Variants in H3C7 observed in about 807,000 individuals in gnomAD.
The protein encoded by H3C7 is histone H3.1.
H3C7 carries 6 observed loss-of-function variants against 7.6 expected under a neutral mutation model. The ratio of observed to expected loss-of-function variants is 0.79; its 90% CI spans 0.43 to 1.56. The LOEUF is 1.56. H3C7 is among the 40% of genes most tolerant of loss of function. The pLI is 0.01. For missense variants in H3C7, 163 were observed against 189.8 expected, an observed-to-expected ratio of 0.86 and a Z score of 0.83; for synonymous variants, 113 against 77.9, an observed-to-expected ratio of 1.45 and a Z score of -2.38.
In H3C7 at chr6:26,250,534, C is replaced by T. The variant is rs548964739; in HGVS notation, c.72G>A (p.Lys24=). The change falls in exon 1 of 1, where the codon AAG becomes AAA. Residue 24 remains lysine (K), a synonymous_variant. Coordinates refer to ENST00000618052, the MANE Select transcript of H3C7 (RefSeq NM_021018.3). Reference sequence around the variant, plus strand: ...TGGCTGGCGCGCTTTTGCGAGCCGCCTTAGTGGCCAGCTGCTTGCGCGGGG... The same window carrying T: ...TGGCTGGCGCGCTTTTGCGAGCCGCTTTAGTGGCCAGCTGCTTGCGCGGGG... ...GKAPRKQLAT[K]AARKSAPATG... The T allele has an allele frequency of 8.1e-6, 13 of 1,614,066 alleles. No homozygotes were observed. The highest frequency in any genetic ancestry group is 5.3e-5 in the African/African-American group (4 of 75,046).
At position 26,250,421 on chromosome 6, in the gene H3C7, A is replaced by G; in HGVS notation, c.185T>C (p.Leu62Pro). 1 of 1,614,176 alleles carries G rather than the reference A, an allele frequency of 6.2e-7. No homozygotes were observed. Among genetic ancestry groups the G allele is most frequent in the Non-Finnish European group, 8.5e-7 (1 of 1,180,024 alleles). Residue 62 changes from leucine (L) to proline (P), a missense_variant, in exon 1 of 1, where the codon CTG (leucine) becomes CCG (proline). Leu to Pro is a moderately conservative substitution (Grantham distance 98, BLOSUM62 -3). This residue lies in a region of H3C7 where 111 missense variants were observed against 104.1 expected (regional missense o/e 1.07). Transcript: ENST00000618052. ...IRRYQKSTELLIRKLPFQRLV... is the reference protein window; with the variant it reads ...IRRYQKSTELPIRKLPFQRLV... ...ACGCTGGAATGGTAGCTTGCGAATC[A>G]GTAGCTCAGTCGATTTCTGATAGCG...
rs1185728738 is a variant in H3C7 at position 26,250,151 on chromosome 6, G to T, written c.*44C>A. ...TTCAACTGAAATTGTTGGTGGCTCT[G>T]AAAAGAGCCTTTGGTTTAAGTTGGC... is the stretch of plus-strand genomic sequence containing the variant. On this transcript the variant is annotated 3_prime_UTR_variant, in exon 1 of 1. Transcript: ENST00000618052. 4 of 1,605,530 alleles carry T rather than the reference G, an allele frequency of 2.5e-6. No individual in the cohort carries two copies. In the South Asian group the frequency reaches 3.3e-5, roughly 13 times the overall value.
Position 26,250,215 on chromosome 6 carries a change from T to A in H3C7, c.391A>T (p.Ile131Phe). ...ACAACTTATGCCCTCTCTCCGCGAA[T>A]GCGGCGAGCGAGCTGGATGTCCTTG... is the stretch of plus-strand genomic sequence containing the variant. ...MPKDIQLARR[I>F]RGERA Residue 131 changes from isoleucine (I) to phenylalanine (F), a missense_variant, in exon 1 of 1, where the codon ATT becomes TTT. By Grantham distance (21) the Ile-to-Phe change is conservative (BLOSUM62 0). Coordinates refer to ENST00000618052, the MANE Select transcript of H3C7 (RefSeq NM_021018.3). 1.2e-6 allele frequency: 2 copies of A among 1,614,242 alleles called. No homozygotes were observed. The highest frequency in any genetic ancestry group is 1.7e-6 in the Non-Finnish European group (2 of 1,180,050).
rs773529243 is a variant in H3C7 at position 26,250,608 on chromosome 6, G to C, written c.-3C>G. 27 of 1,610,982 alleles carry C rather than the reference G, an allele frequency of 1.7e-5. No homozygotes were observed. The Admixed American group carries it at 4.6e-4, about 27-fold the overall frequency. ...GCTGTTTGCTTCGTGCGTGCCATAG[G>C]AATGGGTTTCAAGCAATGGTCACAA... On this transcript the variant is annotated 5_prime_UTR_variant, in exon 1 of 1. Coordinates refer to ENST00000618052, the MANE Select transcript of H3C7 (RefSeq NM_021018.3).
At position 26,250,435 on chromosome 6, in the gene H3C7, T is replaced by C; in HGVS notation, c.171A>G (p.Lys57=). The part of the protein sequence containing the change: ...VALREIRRYQ[K]STELLIRKLP... Reference sequence around the variant, plus strand: ...GCTTGCGAATCAGTAGCTCAGTCGATTTCTGATAGCGGCGGATTTCACGGA... The same window carrying C: ...GCTTGCGAATCAGTAGCTCAGTCGACTTCTGATAGCGGCGGATTTCACGGA... Residue 57 remains lysine, a synonymous_variant, in exon 1 of 1, where the codon AAA becomes AAG. Coordinates refer to ENST00000618052, the MANE Select transcript of H3C7 (RefSeq NM_021018.3). 6.2e-7 allele frequency: 1 copy of C among 1,614,196 alleles called. No homozygotes were observed.
At position 26,250,159 on chromosome 6, in the gene H3C7, C is replaced by T. The variant is rs1478780903; in HGVS notation, c.*36G>A. 1 of 1,611,012 alleles carries T rather than the reference C, an allele frequency of 6.2e-7. No homozygotes were observed. The highest frequency in any genetic ancestry group is 8.5e-7 in the Non-Finnish European group (1 of 1,178,594). Reference sequence around the variant, plus strand: ...AAATTGTTGGTGGCTCTGAAAAGAGCCTTTGGTTTAAGTTGGCGCACACCC... The same window carrying T: ...AAATTGTTGGTGGCTCTGAAAAGAGTCTTTGGTTTAAGTTGGCGCACACCC... On this transcript the variant is annotated 3_prime_UTR_variant, in exon 1 of 1. Coordinates refer to ENST00000618052, the MANE Select transcript of H3C7 (RefSeq NM_021018.3).
At position 26,250,286 on chromosome 6, in the gene H3C7, T is replaced by A; in HGVS notation, c.320A>T (p.Asp107Val). 6.2e-7 allele frequency: 1 copy of A among 1,614,194 alleles called. No homozygotes were observed. The highest frequency in any genetic ancestry group is 8.5e-7 in the Non-Finnish European group (1 of 1,180,034). ...GGCGTGGATAGCACACAGGTTGGTG[T>A]CCTCAAAGAGCCCCACCAGGTAAGC... ...CEAYLVGLFE[D>V]TNLCAIHAKR... is the part of the protein sequence containing the mutation. Residue 107 changes from aspartate (D) to valine (V), a missense_variant, in exon 1 of 1, where the codon GAC (aspartate) becomes GTC (valine). Around this residue, in one of 2 missense-constraint regions of H3C7, gnomAD observed 111 missense variants for 104.1 expected, o/e 1.07. Coordinates refer to ENST00000618052, the MANE Select transcript of H3C7 (RefSeq NM_021018.3).
In H3C7 at chr6:26,250,615, T is replaced by C. The variant is rs754210875; in HGVS notation, c.-10A>G. The C allele has an allele frequency of 1.9e-6, 3 of 1,609,176 alleles. No homozygotes were observed. Among genetic ancestry groups the C allele is most frequent in the Non-Finnish European group, 2.5e-6 (3 of 1,178,772 alleles). ...GCTTCGTGCGTGCCATAGGAATGGG[T>C]TTCAAGCAATGGTCACAACTGAACA... On this transcript the variant is annotated 5_prime_UTR_variant, in exon 1 of 1. Coordinates refer to ENST00000618052, the MANE Select transcript of H3C7 (RefSeq NM_021018.3).
Position 26,250,594 on chromosome 6 carries a change from C to T in H3C7, c.12G>A (p.Thr4=). Reference sequence around the variant, plus strand: ...CAGTGGACTTACGAGCTGTTTGCTTCGTGCGTGCCATAGGAATGGGTTTCA... The same window carrying T: ...CAGTGGACTTACGAGCTGTTTGCTTTGTGCGTGCCATAGGAATGGGTTTCA... MAR[T]KQTARKSTGG... The change falls in exon 1 of 1, where the codon ACG becomes ACA. Residue 4 remains threonine (T), a synonymous_variant. Coordinates refer to ENST00000618052, the MANE Select transcript of H3C7 (RefSeq NM_021018.3). 1.9e-6 allele frequency: 3 copies of T among 1,612,804 alleles called. No individual in the cohort carries two copies. The highest frequency in any genetic ancestry group is 2.5e-6 in the Non-Finnish European group (3 of 1,179,714).
rs766603144 is a variant in H3C7, at chr6:26,250,306, G to A, written c.300C>T (p.Tyr100=). The A allele has an allele frequency of 2.5e-6, 4 of 1,614,136 alleles. No individual in the cohort carries two copies. The highest frequency in any genetic ancestry group is 2.5e-6 in the Non-Finnish European group (3 of 1,180,050). Reference sequence around the variant, plus strand: ...TGGTGTCCTCAAAGAGCCCCACCAGGTAAGCCTCGCAGGCCTCCTGCAGCG... The same window carrying A: ...TGGTGTCCTCAAAGAGCCCCACCAGATAAGCCTCGCAGGCCTCCTGCAGCG... The part of the protein sequence containing the change: ...VMALQEACEA[Y]LVGLFEDTNL... The change falls in exon 1 of 1, where the codon TAC becomes TAT. Residue 100 remains tyrosine (Y), a synonymous_variant. Coordinates refer to ENST00000618052, the MANE Select transcript of H3C7 (RefSeq NM_021018.3).
chr6:26,250,303 C>G lies in H3C7; in HGVS notation c.303G>C (p.Leu101=), dbSNP rs377294195. 3.7e-6 allele frequency: 6 copies of G among 1,614,142 alleles called. No homozygotes were observed. The highest frequency in any genetic ancestry group is 4.2e-6 in the Non-Finnish European group (5 of 1,180,058). ...GGTTGGTGTCCTCAAAGAGCCCCAC[C>G]AGGTAAGCCTCGCAGGCCTCCTGCA... ...MALQEACEAY[L]VGLFEDTNLC... Residue 101 remains leucine, a synonymous_variant, in exon 1 of 1, where the codon CTG becomes CTC. Coordinates refer to ENST00000618052, the MANE Select transcript of H3C7 (RefSeq NM_021018.3).
chr6:26,250,255 TC>T lies in H3C7; in HGVS notation c.350del (p.Arg117GlnfsTer2). On this transcript the variant is annotated frameshift_variant, in exon 1 of 1. Transcript: ENST00000618052. LOFTEE classifies it high-confidence loss of function. ...DTNLCAIHAK[R>X]VTIMPKDIQL... ...GGATGTCCTTGGGCATGATAGTCAC[TC>T]GCTTGGCGTGGATAGCACACAGGTT... 2 of 1,614,222 alleles carry T rather than the reference TC, an allele frequency of 1.2e-6. No homozygotes were observed.
chr6:26,250,566 C>T lies in H3C7; in HGVS notation c.40G>A (p.Gly14Ser), dbSNP rs867237503. 1.9e-6 allele frequency: 3 copies of T among 1,613,746 alleles called. No homozygotes were observed. The highest frequency in any genetic ancestry group is 2.5e-6 in the Non-Finnish European group (3 of 1,179,934). The change falls in exon 1 of 1, where the codon GGC (glycine) becomes AGC (serine). Residue 14 changes from glycine (G) to serine (S), a missense_variant. Around this residue, in one of 2 missense-constraint regions of H3C7, gnomAD observed 52 missense variants for 85.7 expected, o/e 0.61. Coordinates refer to ENST00000618052, the MANE Select transcript of H3C7 (RefSeq NM_021018.3). ...TKQTARKSTGGKAPRKQLATK... is the reference protein window; with the variant it reads ...TKQTARKSTGSKAPRKQLATK... ...GCCAGCTGCTTGCGCGGGGCTTTGC[C>T]GCCAGTGGACTTACGAGCTGTTTGC...
In H3C7 at chr6:26,250,278, G is replaced by C. The variant is rs748809291; in HGVS notation, c.328C>G (p.Leu110Val). Residue 110 changes from leucine (L) to valine (V), a missense_variant, in exon 1 of 1, where the codon CTG becomes GTG. Physicochemically the swap from Leu to Val is conservative, Grantham distance 32 (BLOSUM62 1). This residue lies in a region of H3C7 where 111 missense variants were observed against 104.1 expected (regional missense o/e 1.07). Transcript: ENST00000618052. ...ACTCGCTTGGCGTGGATAGCACACA[G>C]GTTGGTGTCCTCAAAGAGCCCCACC... The part of the protein sequence containing the change: ...YLVGLFEDTN[L>V]CAIHAKRVTI... 2 of 1,614,238 alleles carry C rather than the reference G, an allele frequency of 1.2e-6. No homozygotes were observed. Among genetic ancestry groups the C allele is most frequent in the Non-Finnish European group, 1.7e-6 (2 of 1,180,042 alleles).
At position 26,250,147 on chromosome 6, in the gene H3C7, C is replaced by T; in HGVS notation, c.*48G>A. On this transcript the variant is annotated 3_prime_UTR_variant, in exon 1 of 1. Transcript: ENST00000618052. Reference sequence around the variant, plus strand: ...CGCTTTCAACTGAAATTGTTGGTGGCTCTGAAAAGAGCCTTTGGTTTAAGT... The same window carrying T: ...CGCTTTCAACTGAAATTGTTGGTGGTTCTGAAAAGAGCCTTTGGTTTAAGT... The T allele has an allele frequency of 3.1e-6, 5 of 1,603,402 alleles. No individual in the cohort carries two copies. The highest frequency in any genetic ancestry group is 3.4e-6 in the Non-Finnish European group (4 of 1,172,698).
In H3C7 at chr6:26,250,168, T is replaced by TA; in HGVS notation, c.*26dup. ...GTGGCTCTGAAAAGAGCCTTTGGTT[T>TA]AAGTTGGCGCACACCCTCAGTACAA... On this transcript the variant is annotated 3_prime_UTR_variant, in exon 1 of 1. Coordinates refer to ENST00000618052, the MANE Select transcript of H3C7 (RefSeq NM_021018.3). 1.9e-6 allele frequency: 3 copies of TA among 1,612,522 alleles called. No individual in the cohort carries two copies. Among genetic ancestry groups the TA allele is most frequent in the Non-Finnish European group, 2.5e-6 (3 of 1,179,428 alleles).
At position 26,250,333 on chromosome 6, in the gene H3C7, C is replaced by T. The variant is rs778091229; in HGVS notation, c.273G>A (p.Met91Ile). Reference protein sequence around the residue: ...TDLRFQSSAVMALQEACEAYL... With the variant: ...TDLRFQSSAVIALQEACEAYL... ...AAGCCTCGCAGGCCTCCTGCAGCGCCATCACAGCCGAGCTCTGGAAGCGCA... is the reference window on the plus strand; with the variant it reads ...AAGCCTCGCAGGCCTCCTGCAGCGCTATCACAGCCGAGCTCTGGAAGCGCA... The change falls in exon 1 of 1, where the codon ATG (methionine) becomes ATA (isoleucine). Residue 91 changes from methionine (M) to isoleucine (I), a missense_variant. Transcript: ENST00000618052. 6 of 1,614,126 alleles carry T rather than the reference C, an allele frequency of 3.7e-6. No homozygotes were observed. Among genetic ancestry groups the T allele is most frequent in the East Asian group, 2.2e-5 (1 of 44,894 alleles).
At position 26,250,308 on chromosome 6, in the gene H3C7, A is replaced by G. The variant is rs1331582268; in HGVS notation, c.298T>C (p.Tyr100His). Residue 100 changes from tyrosine to histidine, a missense_variant, in exon 1 of 1, where the codon TAC becomes CAC. By Grantham distance (83) the Tyr-to-His change is moderately conservative. Around this residue, in one of 2 missense-constraint regions of H3C7, gnomAD observed 111 missense variants for 104.1 expected, o/e 1.07. Coordinates refer to ENST00000618052, the MANE Select transcript of H3C7 (RefSeq NM_021018.3). ...VMALQEACEA[Y>H]LVGLFEDTNL... ...GTGTCCTCAAAGAGCCCCACCAGGTAAGCCTCGCAGGCCTCCTGCAGCGCC... is the reference window on the plus strand; with the variant it reads ...GTGTCCTCAAAGAGCCCCACCAGGTGAGCCTCGCAGGCCTCCTGCAGCGCC... 6.2e-7 allele frequency: 1 copy of G among 1,614,124 alleles called. No homozygotes were observed. The highest frequency in any genetic ancestry group is 1.3e-5 in the African/African-American group (1 of 74,944).
chr6:26,250,319 GC>G lies in H3C7; in HGVS notation c.286del (p.Ala96ProfsTer23). The G allele has an allele frequency of 6.2e-7, 1 of 1,614,214 alleles. No individual in the cohort carries two copies. On this transcript the variant is annotated frameshift_variant, in exon 1 of 1. Coordinates refer to ENST00000618052, the MANE Select transcript of H3C7 (RefSeq NM_021018.3). LOFTEE classifies it high-confidence loss of function. The part of the protein sequence containing the change: ...QSSAVMALQE[A>X]CEAYLVGLFE... ...GAGCCCCACCAGGTAAGCCTCGCAGGCCTCCTGCAGCGCCATCACAGCCGAG... is the reference window on the plus strand; with the variant it reads ...GAGCCCCACCAGGTAAGCCTCGCAGGCTCCTGCAGCGCCATCACAGCCGAG...
Sources: allele counts gnomAD v4.1 joint callset, GRCh38; gene constraint gnomAD v4.1.1; regional missense constraint gnomAD v4.1.1; transcripts MANE v1.5; gene names NCBI Gene and HGNC (gene_info 2026-07-23, HGNC 2026-07-21).